The following GMNC variants were observed in gnomAD, a reference collection of about 807,000 sequenced individuals.
GMNC encodes geminin coiled-coil domain containing, also known as geminin coiled-coil domain-containing protein 1.
Under a neutral mutation model 33.6 loss-of-function variants are expected in GMNC, and 16 were observed. The observed-to-expected ratio is 0.48, with a 90% CI of 0.32 to 0.72. The LOEUF is 0.72. Ranked by LOEUF, GMNC falls within the 30% of genes least tolerant of loss-of-function variation. The pLI is 0.03. For missense variants in GMNC, 393 were observed against 388.9 expected, an observed-to-expected ratio of 1.01 and a Z score of -0.09; for synonymous variants, 156 against 147.3, an observed-to-expected ratio of 1.06 and a Z score of -0.43.
chr3:190,859,823 A>C (rs1737824067), intron 2 of GMNC: 3 of 455,356 alleles, frequency 6.6e-6, no homozygotes, highest in Non-Finnish European at 1.3e-5. Context: ...GTTGATACTG[A>C]AATATTTTTG....
Position 190,854,212 on chromosome 3 carries a change from A to G in GMNC, c.*1083T>C, listed in dbSNP as rs1375462582. On this transcript the variant is annotated 3_prime_UTR_variant, in exon 5 of 5. Coordinates refer to ENST00000442080, the MANE Select transcript of GMNC (RefSeq NM_001146686.3). ...AGTAATTATCTAGTCCAACTTCTGT[A>G]TTCTACAGTTGGGAAACTGAACCTT... 1 of 152,142 alleles carries G rather than the reference A, an allele frequency of 6.6e-6. No individual in the cohort carries two copies. The highest frequency in any genetic ancestry group is 1.5e-5 in the Non-Finnish European group (1 of 68,018). The allele number at this position is 152,142 out of a possible 1,614,324, so 9.4% of individuals were successfully genotyped here.
At position 190,855,839 on chromosome 3, in the gene GMNC, CT is replaced by C. The variant is rs1737722526; in HGVS notation, c.460del (p.Arg154AspfsTer42). 6.4e-7 allele frequency: 1 copy of C among 1,550,882 alleles called. No individual in the cohort carries two copies. Among genetic ancestry groups the C allele is most frequent in the Non-Finnish European group, 8.7e-7 (1 of 1,146,430 alleles). ...ATGGGGAATCTCAGCAGGAGAGTAT[CT>C]TTGCTCTTTGGATTTTCTCTTCCCC... ...RKGKRKSKEQ[R>X]YSPAEIPHPK... On this transcript the variant is annotated frameshift_variant, in exon 5 of 5. Transcript: ENST00000442080. LOFTEE classifies it high-confidence loss of function.
downstream of GMNC, among the ~76,000 whole-genome samples, chr3:190,850,023 T>C (rs1737609281): frequency 6.6e-6 from 1 of 151,696 alleles, no homozygotes; most frequent in South Asian, 2.1e-4. Flanking sequence ...TTTATTTGAA[T>C]TTTTTTGTTT....
downstream of GMNC, among the ~76,000 whole-genome samples, chr3:190,851,766 G>A (rs766847523): frequency 7.2e-5 from 11 of 151,818 alleles, no homozygotes; most frequent in Admixed American, 5.3e-4. Context: ...TGCTCCATTC[G>A]CTAAAAAATG....
At chr3:190,848,325 A>G (rs554425678), downstream of GMNC, among the ~76,000 whole-genome samples, 1 of 152,220 alleles carries the variant, frequency 6.6e-6, no homozygotes, top group Non-Finnish European at 1.5e-5. Flanking sequence ...AAAAGTTACC[A>G]TTCTCTACAT....
chr3:190,845,769 A>C, the GMNC span, among the ~76,000 whole-genome samples: 1 of 151,994 alleles, frequency 6.6e-6, no homozygotes, highest in South Asian at 2.1e-4. Context: ...AGCCTCCCAA[A>C]GTGGTGGGAT....
In GMNC at chr3:190,854,793, T is replaced by C. The variant is rs1031950840; in HGVS notation, c.*502A>G. ...ATTATGTCTTCAGGAGTAGTGGTGATGGGCAAAGACACTTGTTTCAACCCC... is the reference window on the plus strand; with the variant it reads ...ATTATGTCTTCAGGAGTAGTGGTGACGGGCAAAGACACTTGTTTCAACCCC... On this transcript the variant is annotated 3_prime_UTR_variant, in exon 5 of 5. Transcript: ENST00000442080. 1 of 174,784 alleles carries C rather than the reference T, an allele frequency of 5.7e-6. No homozygotes were observed. The highest frequency in any genetic ancestry group is 2.4e-5 in the African/African-American group (1 of 41,818). The allele number at this position is 174,784 out of a possible 1,614,324, so 10.8% of individuals were successfully genotyped here.
At chr3:190,848,079 C>A (rs1737579031), downstream of GMNC, among the ~76,000 whole-genome samples, 1 of 152,092 alleles carries the variant, frequency 6.6e-6, no homozygotes, top group Non-Finnish European at 1.5e-5. Context: ...AAGTTGGATA[C>A]CTTTAATAGT....
chr3:190,853,726 T>G lies in GMNC; in HGVS notation c.*1569A>C, dbSNP rs796122723. The G allele has an allele frequency of 6.6e-6, 1 of 152,024 alleles. No homozygotes were observed. The highest frequency in any genetic ancestry group is 1.9e-4 in the East Asian group (1 of 5,192). The allele number at this position is 152,024 out of a possible 1,614,324, so 9.4% of individuals were successfully genotyped here. On this transcript the variant is annotated 3_prime_UTR_variant, in exon 5 of 5. Transcript: ENST00000442080. ...TGAAAGATTTCATCATTAATTGAAGTTTGTCCAAAAAACATAGGTGCACAT... is the reference window on the plus strand; with the variant it reads ...TGAAAGATTTCATCATTAATTGAAGGTTGTCCAAAAAACATAGGTGCACAT...
At chr3:190,846,087 G>A in the GMNC span, among the ~76,000 whole-genome samples, 6 of 152,064 alleles carry the variant, frequency 3.9e-5, no homozygotes, top group African/African-American at 1.4e-4. Flanking sequence ...AATTTAGCCA[G>A]GTGTGATGGC....
intron 4 of GMNC, among the ~76,000 whole-genome samples, chr3:190,856,644 T>A (rs149815587): frequency 8.7e-4 from 131 of 151,420 alleles, no homozygotes; most frequent in African/African-American, 3.0e-3. Context: ...CACAGATATA[T>A]TAATGACTTG....
chr3:190,861,454 T>TCATC lies in GMNC; in HGVS notation c.4-600_4-597dup, dbSNP rs1334331662. On this transcript the variant is annotated intron_variant, in intron 1 of 4. Coordinates refer to ENST00000442080, the MANE Select transcript of GMNC (RefSeq NM_001146686.3). The surrounding 1 kb of genome is among the most constrained non-coding windows in gnomAD (Gnocchi z 5.1). ...ATCTGTCTGTCTGTCTGTCTGCCTA[T>TCATC]CATCTATCTATCTATCTATCTATCT... 1.5e-5 allele frequency among the ~76,000 whole-genome samples: 2 copies of TCATC among 137,828 alleles called. No homozygotes were observed. The highest frequency in any genetic ancestry group is 2.7e-5 in the African/African-American group (1 of 37,110). 90.4% of individuals were successfully genotyped at this position (137,828 alleles called of 152,430 possible).
Position 190,862,085 on chromosome 3 carries a change from G to A in GMNC, c.3+528C>T, listed in dbSNP as rs1231752979. 6.6e-6 allele frequency among the ~76,000 whole-genome samples: 1 copy of A among 152,124 alleles called. No individual in the cohort carries two copies. The highest frequency in any genetic ancestry group is 6.5e-5 in the Admixed American group (1 of 15,278). ...GGGCAGTGCAGACCAAAGAAATTCA[G>A]CCAAAAGTTTATCAAGTGCAATTTT... On this transcript the variant is annotated intron_variant, in intron 1 of 4. Coordinates refer to ENST00000442080, the MANE Select transcript of GMNC (RefSeq NM_001146686.3). This position sits in a 1 kb window ranked among gnomAD's most constrained non-coding sequence, Gnocchi z 4.5.
Position 190,853,392 on chromosome 3 carries a change from A to ATTTAT in GMNC, c.*1898_*1902dup, listed in dbSNP as rs1170548822. ...ATACCAGAATGTAAAAGGCACAGTT[A>ATTTAT]TTTATTTTATTTTATTTTTTAGAAA... is the stretch of plus-strand genomic sequence containing the variant. On this transcript the variant is annotated 3_prime_UTR_variant, in exon 5 of 5. Transcript: ENST00000442080. The ATTTAT allele has an allele frequency of 6.6e-6, 1 of 152,104 alleles. No homozygotes were observed. Among genetic ancestry groups the ATTTAT allele is most frequent in the African/African-American group, 2.4e-5 (1 of 41,448 alleles). 9.4% of individuals were successfully genotyped at this position (152,104 alleles called of 1,614,324 possible).
At chr3:190,849,827 T>C (rs1185934237), downstream of GMNC, among the ~76,000 whole-genome samples, 2 of 152,318 alleles carry the variant, frequency 1.3e-5, no homozygotes, top group East Asian at 3.9e-4. Flanking sequence ...TTCACTGTTT[T>C]ACTTTCCCTT....
the GMNC span, among the ~76,000 whole-genome samples, chr3:190,845,822 GT>G: frequency 1.3e-5 from 2 of 152,088 alleles, no homozygotes; most frequent in Non-Finnish European, 2.9e-5. Flanking sequence ...ACTCTTAAAA[GT>G]GTAAATACTT....
At chr3:190,860,514 T>G (rs1436891243) in intron 2 of GMNC, among the ~76,000 whole-genome samples, 170 bp downstream of exon 2, 1 of 152,200 alleles carries the variant, frequency 6.6e-6, no homozygotes, top group African/African-American at 2.4e-5. Context: ...TTTCACTATT[T>G]GGCAAGTGTA....
chr3:190,858,189 C>A, intron 3 of GMNC: 1 of 317,504 alleles, frequency 3.1e-6, no homozygotes, highest in Non-Finnish European at 5.8e-6. Context: ...GGAAAATGAG[C>A]TGCATGCAAC....
chr3:190,844,559 A>C, the GMNC span, among the ~76,000 whole-genome samples: 1 of 151,838 alleles, frequency 6.6e-6, no homozygotes, highest in Non-Finnish European at 1.5e-5. Context: ...ATCCTTTATA[A>C]AACCATAATT....
Sources: gnomAD v4.1 joint callset for allele counts (sites outside exome capture counted in the v4.1 genomes callset) on GRCh38, gnomAD v4.1.1 for gene constraint, Gnocchi (gnomAD v3.1) non-coding constraint, MANE v1.5 for transcripts, NCBI Gene and HGNC (gene_info 2026-07-23, HGNC 2026-07-21) for gene names.